The following HSPG2 variants were observed in gnomAD, a reference collection of about 807,000 sequenced individuals.
HSPG2 encodes the protein basement membrane-specific heparan sulfate proteoglycan core protein.
A neutral mutation model predicts 526.6 loss-of-function variants in HSPG2; 278 were observed. That is an observed-to-expected ratio of 0.53 (90% confidence interval 0.48 to 0.58). The LOEUF is 0.58. Among genes scored for constraint, HSPG2 ranks in the 20% least tolerant of loss-of-function variants. The probability of loss-of-function intolerance (pLI) is 0.00; values close to 1 mark genes in which losing one functional copy is unlikely to be tolerated. For missense variants in HSPG2, 5,354 were observed against 6,099.5 expected, an observed-to-expected ratio of 0.88 and a Z score of 4.07; for synonymous variants, 2,465 against 2,555.4, an observed-to-expected ratio of 0.96 and a Z score of 1.07.
chr1:21,880,291 G>C, intron 16 of HSPG2, 37 bp from the exon 17 acceptor site: 9 of 1,614,030 alleles, frequency 5.6e-6, no homozygotes, highest in Non-Finnish European at 7.6e-6. Flanking sequence ...CTGCAAGGAC[G>C]GTGAGGCCCT....
chr1:21,836,073 C>A (rs970256137), intron 75 of HSPG2, among the ~76,000 whole-genome samples: 2 of 151,956 alleles, frequency 1.3e-5, no homozygotes. Context: ...TTCTAGTTTC[C>A]CAATAACCAC....
chr1:21,934,689 G>A lies in HSPG2; in HGVS notation c.63+2466C>T, dbSNP rs1341231406. On this transcript the variant is annotated intron_variant, in intron 1 of 96. Transcript: ENST00000374695. ...CGGCTCACTGCAAGCTCCGCCTCCC[G>A]GGTTAACGCCATTCTCCTGCCTCAG... Among the ~76,000 whole-genome samples the A allele has an allele frequency of 6.6e-5, 10 of 151,834 alleles. No individual in the cohort carries two copies. The East Asian group carries it at 1.7e-3, about 26-fold the overall frequency.
rs117573465 is a variant in HSPG2, at chr1:21,873,173, C to T, written c.3794-82G>A. 9,699 of 1,302,938 alleles carry T rather than the reference C, an allele frequency of 7.4e-3. 212 individuals are homozygous for T. The highest frequency in any genetic ancestry group is 0.071 in the Admixed American group (4,182 of 58,796). The allele number at this position is 1,302,938 out of a possible 1,614,324, so 80.7% of individuals were successfully genotyped here. ...TCCCTCCACTCTGCTCACCACTGAG[C>T]GGGAGCTCTGATTTCTGATGTGAGT... is the stretch of plus-strand genomic sequence containing the variant. On this transcript the variant is annotated intron_variant, in intron 30 of 96. Transcript: ENST00000374695.
At chr1:21,835,253 A>T in intron 76 of HSPG2, 1 of 597,346 alleles carries the variant, frequency 1.7e-6, no homozygotes, top group Non-Finnish European at 3.0e-6. Flanking sequence ...CCTCCTGAGT[A>T]GGTGGGACTA....
chr1:21,860,890 G>T (rs765092977), intron 39 of HSPG2, among the ~76,000 whole-genome samples: 1 of 152,172 alleles, frequency 6.6e-6, no homozygotes, highest in East Asian at 1.9e-4. Flanking sequence ...CTTACTAGTT[G>T]GGAACCCAAC....
At position 21,887,344 on chromosome 1, in the gene HSPG2, C is replaced by T. The variant is rs201059910; in HGVS notation, c.959-10G>A. On this transcript the variant is annotated splice_polypyrimidine_tract_variant and intron_variant, in intron 8 of 96. Coordinates refer to ENST00000374695, the MANE Select transcript of HSPG2 (RefSeq NM_005529.7). The surrounding 1 kb of genome is among the most constrained non-coding windows in gnomAD (Gnocchi z 5.0). ...CAGGGTGGCGGGGGGCCTAGGAGAC[C>T]GGGCAGGGGTCAGCAGCATCCTCCC... 31 of 1,613,806 alleles carry T rather than the reference C, an allele frequency of 1.9e-5. No individual in the cohort carries two copies. The highest frequency in any genetic ancestry group is 5.5e-5 in the South Asian group (5 of 91,074).
chr1:21,903,923 C>T (rs1206134991), intron 1 of HSPG2, among the ~76,000 whole-genome samples: 3 of 152,348 alleles, frequency 2.0e-5, no homozygotes, highest in African/African-American at 2.4e-5. Flanking sequence ...CCTCCAAGTC[C>T]GGGCCACCCT....
At chr1:21,923,207 G>A (rs190758520) in intron 1 of HSPG2, among the ~76,000 whole-genome samples, 54 of 152,246 alleles carry the variant, frequency 3.5e-4, no homozygotes, top group Non-Finnish European at 4.3e-4. Context: ...AGAAGTTCGA[G>A]ACCAGCCTGA....
In HSPG2 at chr1:21,890,675, C is replaced by T. The variant is rs1403049431; in HGVS notation, c.264G>A (p.Val88=). ...DFQMVYFRAL[V]NFTRSIEYSP... ...TGTACTCGATGGAGCGAGTGAAATTCACCAGGGCTCGGAAATAAACTGGAA... is the reference window on the plus strand; with the variant it reads ...TGTACTCGATGGAGCGAGTGAAATTTACCAGGGCTCGGAAATAAACTGGAA... Residue 88 remains valine (V), a synonymous_variant, in exon 4 of 97, where the codon GTG becomes GTA. Transcript: ENST00000374695. The surrounding 1 kb of genome is among the most constrained non-coding windows in gnomAD (Gnocchi z 4.1). 9.9e-6 allele frequency: 16 copies of T among 1,613,706 alleles called. No individual in the cohort carries two copies. Among genetic ancestry groups the T allele is most frequent in the Non-Finnish European group, 1.4e-5 (16 of 1,179,744 alleles).
At chr1:21,849,472 C>T (rs931773406) in intron 57 of HSPG2, among the ~76,000 whole-genome samples, 1 of 152,208 alleles carries the variant, frequency 6.6e-6, no homozygotes, top group Non-Finnish European at 1.5e-5. Context: ...CACCACATCC[C>T]ATCAATTCTA....
intron 91 of HSPG2, among the ~76,000 whole-genome samples, chr1:21,827,053 C>A (rs1168057825): frequency 6.6e-6 from 1 of 151,802 alleles, no homozygotes. Context: ...ACAAAAAATA[C>A]AAAAATTAGC....
intron 1 of HSPG2, among the ~76,000 whole-genome samples, chr1:21,903,558 C>A (rs527840524): frequency 2.6e-5 from 4 of 152,242 alleles, no homozygotes; most frequent in Non-Finnish European, 5.9e-5. Flanking sequence ...CAAGATTGCG[C>A]CACTGCACTC....
At position 21,839,324 on chromosome 1, in the gene HSPG2, G is replaced by T. The variant is rs1217331591; in HGVS notation, c.9889+47C>A. On this transcript the variant is annotated intron_variant, in intron 73 of 96. Transcript: ENST00000374695. The surrounding 1 kb of genome is among the most constrained non-coding windows in gnomAD (Gnocchi z 4.5). ...TGTGTGGGGTGGAGCCTAGTCGGGG[G>T]GCTCAGATCTCCATTTGGTGCAGAC... is the stretch of plus-strand genomic sequence containing the variant. 17 of 1,590,790 alleles carry T rather than the reference G, an allele frequency of 1.1e-5. No homozygotes were observed. The highest frequency in any genetic ancestry group is 1.4e-5 in the Non-Finnish European group (16 of 1,168,538).
rs373962063 is a variant in HSPG2 at position 21,893,756 on chromosome 1, C to T, written c.244+2166G>A. On this transcript the variant is annotated intron_variant, in intron 3 of 96. Transcript: ENST00000374695. The surrounding 1 kb of genome is among the most constrained non-coding windows in gnomAD (Gnocchi z 4.3). ...AGCAGAGAGAGAGGCAGAGACATTG[C>T]AAGAGAGAGGGAGACACAAAGAGAC... Among the ~76,000 whole-genome samples, 1 of 150,190 alleles carries T rather than the reference C, an allele frequency of 6.7e-6. No individual in the cohort carries two copies. The highest frequency in any genetic ancestry group is 2.5e-5 in the African/African-American group (1 of 40,600).
chr1:21,870,889 A>G, intron 33 of HSPG2: 3 of 986,372 alleles, frequency 3.0e-6, no homozygotes, highest in Non-Finnish European at 3.6e-6. Context: ...GGCGCAGGGA[A>G]ATGCCAGGAC....
intron 64 of HSPG2, among the ~76,000 whole-genome samples, chr1:21,845,614 A>G (rs760447611): frequency 1.3e-5 from 2 of 152,170 alleles, no homozygotes; most frequent in South Asian, 2.1e-4. Flanking sequence ...TCATGAGCTC[A>G]GGCAATCTGC....
At position 21,857,324 on chromosome 1, in the gene HSPG2, G is replaced by A. The variant is rs185977135; in HGVS notation, c.5355C>T (p.Pro1785=). 26 of 1,614,024 alleles carry A rather than the reference G, an allele frequency of 1.6e-5. No individual in the cohort carries two copies. Among genetic ancestry groups the A allele is most frequent in the African/African-American group, 9.3e-5 (7 of 75,004 alleles). ...VEEQRSQSVR[P]GADVTFICTA... ...TGCAGATGAAGGTGACGTCAGCTCC[G>A]GGGCGCACGCTCTGGCTCCGCTGCT... is the stretch of plus-strand genomic sequence containing the variant. The change falls in exon 43 of 97, where the codon CCC becomes CCT. Residue 1785 remains proline (P), a synonymous_variant. Transcript: ENST00000374695.
At position 21,855,920 on chromosome 1, in the gene HSPG2, G is replaced by C; in HGVS notation, c.5576-8C>G. ...CGGACAAGGTGCCCGAGGCTGACAAGGGAGGAAAAGGAACATGCACTCAGG... is the reference window on the plus strand; with the variant it reads ...CGGACAAGGTGCCCGAGGCTGACAACGGAGGAAAAGGAACATGCACTCAGG... On this transcript the variant is annotated splice_polypyrimidine_tract_variant and splice_region_variant and intron_variant, in intron 44 of 96. Coordinates refer to ENST00000374695, the MANE Select transcript of HSPG2 (RefSeq NM_005529.7). 6.2e-7 allele frequency: 1 copy of C among 1,607,030 alleles called. No individual in the cohort carries two copies. The highest frequency in any genetic ancestry group is 8.5e-7 in the Non-Finnish European group (1 of 1,179,914).
Position 21,895,919 on chromosome 1 carries a change from T to C in HSPG2, c.244+3A>G. On this transcript the variant is annotated splice_donor_region_variant and intron_variant, in intron 3 of 96. Transcript: ENST00000374695. The surrounding 1 kb of genome is among the most constrained non-coding windows in gnomAD (Gnocchi z 4.1). ...GACCTGCAGGAGGCCTGCAGCAACTTACCCATCTGGAAGTCCCCGCTGCCC... is the reference window on the plus strand; with the variant it reads ...GACCTGCAGGAGGCCTGCAGCAACTCACCCATCTGGAAGTCCCCGCTGCCC... 6.2e-7 allele frequency: 1 copy of C among 1,613,870 alleles called. No homozygotes were observed.
Sources: gnomAD v4.1 joint callset for allele counts (sites outside exome capture counted in the v4.1 genomes callset) on GRCh38, gnomAD v4.1.1 for gene constraint, Gnocchi (gnomAD v3.1) non-coding constraint, MANE v1.5 for transcripts, NCBI Gene and HGNC (gene_info 2026-07-23, HGNC 2026-07-21) for gene names.